Variants in ADAMTS13 observed in about 807,000 individuals in gnomAD.
The protein encoded by ADAMTS13 is ADAM metallopeptidase with thrombospondin type 1 motif 13.
In ADAMTS13, 110 loss-of-function variants were observed where a neutral mutation model predicts 155.1. That is an observed-to-expected ratio of 0.71 (90% CI 0.61 to 0.83). ADAMTS13 has a LOEUF of 0.83. Among genes scored for constraint, ADAMTS13 ranks in the 40% least tolerant of loss-of-function variants. The pLI, the probability that ADAMTS13 is intolerant of heterozygous loss-of-function variation, is 0.00. For missense variants in ADAMTS13, 1,707 were observed against 1,891.7 expected, an observed-to-expected ratio of 0.90 and a Z score of 1.81; for synonymous variants, 758 against 756.4, an observed-to-expected ratio of 1.00 and a Z score of -0.03.
chr9:133,455,921 T>A, intron 25 of ADAMTS13, 148 bp from the exon 26 acceptor site: 1 of 1,052,482 alleles, frequency 9.5e-7, no homozygotes, highest in Non-Finnish European at 1.4e-6. Flanking sequence ...GCAGCCCCCC[T>A]CCCTGTCCTG....
At chr9:133,414,488 G>A (rs782454773) in exon 1 of ADAMTS13, 2 of 719,906 alleles carry the variant, frequency 2.8e-6, no homozygotes, top group South Asian at 1.5e-5. Flanking sequence ...AGCAGGCCCT[G>A]CCTTATCATG....
In ADAMTS13 at chr9:133,442,703, G is replaced by A. The variant is rs1841765009; in HGVS notation, c.2194G>A (p.Ala732Thr). Reference protein sequence around the residue: ...VQCQGSQQPPAWPEACVLEPC... With the variant: ...VQCQGSQQPPTWPEACVLEPC... ...GTGCCAAGGGAGCCAGCAGCCACCA[G>A]CGTGGCCAGAGGCCTGCGTGCTCGA... The change falls in exon 18 of 29, where the codon GCG becomes ACG. Residue 732 changes from alanine to threonine, a missense_variant. Physicochemically the swap from Ala to Thr is moderately conservative, Grantham distance 58. Around this residue, in one of 3 missense-constraint regions of ADAMTS13, gnomAD observed 961 missense variants for 1,107.9 expected, o/e 0.87. Coordinates refer to ENST00000355699, the MANE Select transcript of ADAMTS13 (RefSeq NM_139027.6). The A allele has an allele frequency of 6.2e-7, 1 of 1,612,990 alleles. No individual in the cohort carries two copies. Among genetic ancestry groups the A allele is most frequent in the African/African-American group, 1.3e-5 (1 of 74,956 alleles).
chr9:133,436,828 G>A lies in ADAMTS13; in HGVS notation c.1309-1G>A. The A allele has an allele frequency of 6.4e-7, 1 of 1,557,226 alleles. No homozygotes were observed. The highest frequency in any genetic ancestry group is 8.7e-7 in the Non-Finnish European group (1 of 1,154,292). ...CCCCTCCTCTGCCTCCTCCTGGCCA[G>A]GCCTGCGAGAAGACCCAGCTGGAGT... On this transcript the variant is annotated splice_acceptor_variant, in intron 11 of 28. Coordinates refer to ENST00000355699, the MANE Select transcript of ADAMTS13 (RefSeq NM_139027.6). LOFTEE classifies it high-confidence loss of function.
intron 17 of ADAMTS13, 39 bp from the exon 18 acceptor site, chr9:133,442,575 C>G: frequency 1.2e-6 from 2 of 1,613,384 alleles, no homozygotes; most frequent in Non-Finnish European, 1.7e-6. Context: ...CGGCTTGCCC[C>G]TGCAGGGAGG....
rs782758958 is a variant in ADAMTS13, at chr9:133,456,508, G to C, written c.3548-35G>C. 6.2e-7 allele frequency: 1 copy of C among 1,608,902 alleles called. No homozygotes were observed. Among genetic ancestry groups the C allele is most frequent in the South Asian group, 1.1e-5 (1 of 90,134 alleles). ...CCACTCCTCTGCTGACCAGGCGTGG[G>C]AGTGCTGGACCCTCACTGCCCTGCC... is the stretch of plus-strand genomic sequence containing the variant. On this transcript the variant is annotated intron_variant, in intron 26 of 28. Coordinates refer to ENST00000355699, the MANE Select transcript of ADAMTS13 (RefSeq NM_139027.6). The surrounding 1 kb of genome is among the most constrained non-coding windows in gnomAD (Gnocchi z 4.4).
rs782482318 is a variant in ADAMTS13, at chr9:133,455,455, C to A, written c.3400+20C>A. Reference sequence around the variant, plus strand: ...GACAGGGTACGCCCAGCCTGGTGCCCCACGAAGAAGCCGCTGCTCCAGGAC... The same window carrying A: ...GACAGGGTACGCCCAGCCTGGTGCCACACGAAGAAGCCGCTGCTCCAGGAC... On this transcript the variant is annotated intron_variant, in intron 25 of 28. Coordinates refer to ENST00000355699, the MANE Select transcript of ADAMTS13 (RefSeq NM_139027.6). 2 of 1,612,506 alleles carry A rather than the reference C, an allele frequency of 1.2e-6. No homozygotes were observed. Among genetic ancestry groups the A allele is most frequent in the Admixed American group, 3.3e-5 (2 of 60,018 alleles).
chr9:133,437,567 A>T (rs1217515234), intron 12 of ADAMTS13, among the ~76,000 whole-genome samples, 182 bp from the exon 13 acceptor site: 1 of 152,154 alleles, frequency 6.6e-6, no homozygotes, highest in Non-Finnish European at 1.5e-5. Flanking sequence ...CTTGGTTCCT[A>T]ATTCAATACC....
In ADAMTS13 at chr9:133,455,549, G is replaced by C. The variant is rs1554795587; in HGVS notation, c.3400+114G>C. 3.1e-6 allele frequency: 5 copies of C among 1,609,638 alleles called. No homozygotes were observed. In the South Asian group the frequency reaches 4.4e-5, roughly 14 times the overall value. ...GGCCCGGGGCCTGCTCTTCTCCCCGGCTCCCCAGCCTCGGCGGCTCCTGCC... is the reference window on the plus strand; with the variant it reads ...GGCCCGGGGCCTGCTCTTCTCCCCGCCTCCCCAGCCTCGGCGGCTCCTGCC... On this transcript the variant is annotated intron_variant, in intron 25 of 28. Transcript: ENST00000355699.
chr9:133,420,151 G>A (rs1360674588), upstream of ADAMTS13, among the ~76,000 whole-genome samples: 3 of 152,166 alleles, frequency 2.0e-5, no homozygotes, highest in African/African-American at 4.8e-5. Flanking sequence ...TGATCCTCTC[G>A]CCTCAGCCTC....
At chr9:133,437,155 C>A (rs1841299809) in intron 12 of ADAMTS13, among the ~76,000 whole-genome samples, 200 bp downstream of exon 12, 1 of 152,154 alleles carries the variant, frequency 6.6e-6, no homozygotes, top group African/African-American at 2.4e-5. Flanking sequence ...CTCTGAGTCT[C>A]AATTTCCCAT....
At chr9:133,435,758 T>C (rs935983060) in intron 11 of ADAMTS13, among the ~76,000 whole-genome samples, 1 of 151,726 alleles carries the variant, frequency 6.6e-6, no homozygotes, top group Non-Finnish European at 1.5e-5. Context: ...GGTCTTGATC[T>C]CCTGACCTCG....
Position 133,449,964 on chromosome 9 carries a change from AG to A in ADAMTS13, c.3044+1del. The A allele has an allele frequency of 1.3e-6, 2 of 1,597,696 alleles. No homozygotes were observed. Among genetic ancestry groups the A allele is most frequent in the Non-Finnish European group, 1.7e-6 (2 of 1,174,290 alleles). On this transcript the variant is annotated frameshift_variant and splice_region_variant, in exon 23 of 29. Transcript: ENST00000355699. LOFTEE classifies it high-confidence loss of function. Reference protein sequence around the residue: ...EACSLEPCPPRWKVMSLGPCS... With the variant: ...EACSLEPCPPXWKVMSLGPCS... ...CTGCAGCCTGGAGCCCTGCCCACCT[AG>A]GTGAGTCAGCCGGTGATGGGAGGGG...
At position 133,449,945 on chromosome 9, in the gene ADAMTS13, C is replaced by T; in HGVS notation, c.3024C>T (p.Ser1008=). Residue 1008 remains serine (S), a synonymous_variant, in exon 23 of 29, where the codon AGC becomes AGT. Coordinates refer to ENST00000355699, the MANE Select transcript of ADAMTS13 (RefSeq NM_139027.6). Reference sequence around the variant, plus strand: ...GCCCGGAACCCCAGGAGGCCTGCAGCCTGGAGCCCTGCCCACCTAGGTGAG... The same window carrying T: ...GCCCGGAACCCCAGGAGGCCTGCAGTCTGGAGCCCTGCCCACCTAGGTGAG... The part of the protein sequence containing the change: ...LPRPEPQEAC[S]LEPCPPRWKV... The T allele has an allele frequency of 6.2e-7, 1 of 1,606,034 alleles. No homozygotes were observed. The highest frequency in any genetic ancestry group is 8.5e-7 in the Non-Finnish European group (1 of 1,177,636).
upstream of ADAMTS13, chr9:133,422,164 G>A (rs777585429): frequency 2.4e-4 from 128 of 540,414 alleles, no homozygotes; most frequent in Non-Finnish European, 3.8e-4. Context: ...CTAAGGGGGT[G>A]GGCGTGCACA....
In ADAMTS13 at chr9:133,456,865, C is replaced by A; in HGVS notation, c.3724+146C>A. The A allele has an allele frequency of 9.3e-7, 1 of 1,075,614 alleles. No individual in the cohort carries two copies. Among genetic ancestry groups the A allele is most frequent in the Non-Finnish European group, 1.4e-6 (1 of 726,178 alleles). The allele number at this position is 1,075,614 out of a possible 1,614,324, so 66.6% of individuals were successfully genotyped here. Reference sequence around the variant, plus strand: ...CTGAGATGGAAGGAACTGGGGTTGGCCAGTGTCAGTCTGCACGTGCCAGGG... The same window carrying A: ...CTGAGATGGAAGGAACTGGGGTTGGACAGTGTCAGTCTGCACGTGCCAGGG... On this transcript the variant is annotated intron_variant, in intron 27 of 28. Coordinates refer to ENST00000355699, the MANE Select transcript of ADAMTS13 (RefSeq NM_139027.6). The surrounding 1 kb of genome is among the most constrained non-coding windows in gnomAD (Gnocchi z 4.4).
At chr9:133,446,716 G>A (rs1554792764) in intron 21 of ADAMTS13, among the ~76,000 whole-genome samples, 1 of 152,192 alleles carries the variant, frequency 6.6e-6, no homozygotes, top group Non-Finnish European at 1.5e-5. Context: ...TGGGTAAGAT[G>A]AGAATTCTAT....
intron 8 of ADAMTS13, among the ~76,000 whole-genome samples, chr9:133,431,365 C>T (rs1732531626): frequency 6.9e-6 from 1 of 144,414 alleles, no homozygotes; most frequent in Non-Finnish European, 1.5e-5. Context: ...CTCACTCTGT[C>T]ACCCAGGCTG....
At chr9:133,450,754 A>G (rs1237433733) in intron 23 of ADAMTS13, among the ~76,000 whole-genome samples, 1 of 152,150 alleles carries the variant, frequency 6.6e-6, no homozygotes, top group East Asian at 1.9e-4. Context: ...CGTCTCAAAA[A>G]CAAAACAACA....
chr9:133,432,786 C>G lies in ADAMTS13; in HGVS notation c.1092+94C>G, dbSNP rs587738404. ...CCTATTCCTAGGTCAGGAGGCAGGA[C>G]CAGTATGGGGCAGAGAGTCTTGGAG... is the stretch of plus-strand genomic sequence containing the variant. On this transcript the variant is annotated intron_variant, in intron 9 of 28. Transcript: ENST00000355699. 24 of 1,227,188 alleles carry G rather than the reference C, an allele frequency of 2.0e-5. No homozygotes were observed. The African/African-American group carries it at 3.0e-4, about 15-fold the overall frequency. The allele number at this position is 1,227,188 out of a possible 1,614,324, so 76.0% of individuals were successfully genotyped here.
Sources: allele counts gnomAD v4.1 joint callset (sites outside exome capture counted in the v4.1 genomes callset), GRCh38; gene constraint gnomAD v4.1.1; regional missense constraint gnomAD v4.1.1; non-coding constraint Gnocchi (gnomAD v3.1); transcripts MANE v1.5; gene names NCBI Gene and HGNC (gene_info 2026-07-23, HGNC 2026-07-21).